KLF12: variants seen among roughly 807,000 people sequenced by gnomAD.
KLF12 encodes Krueppel-like factor 12.
KLF12 carries 9 observed loss-of-function variants against 37.8 expected under a neutral mutation model. The observed-to-expected ratio is 0.24, with a 90% confidence interval of 0.14 to 0.42. The LOEUF (loss-of-function observed/expected upper bound fraction) is 0.42. KLF12 is among the 10% of genes least tolerant of loss of function. The pLI, the probability that KLF12 is intolerant of heterozygous loss-of-function variation, is 1.00. For missense variants in KLF12, 411 were observed against 516.0 expected (o/e 0.80, Z 1.97); for synonymous variants, 208 against 202.1 (o/e 1.03, Z -0.25).
chr13:74,225,330 T>C, the KLF12 span, among the ~76,000 whole-genome samples: 1 of 152,174 alleles, frequency 6.6e-6, no homozygotes, highest in African/African-American at 2.4e-5. Flanking sequence ...AGCAGAGTTT[T>C]GATTTCACAC....
rs1033741683 is a variant in KLF12 at position 73,866,835 on chromosome 13, A to G, written c.124-20462T>C. Among the ~76,000 whole-genome samples the G allele has an allele frequency of 9.3e-5, 14 of 150,710 alleles. 1 individual carries two copies. The highest frequency in any genetic ancestry group is 3.3e-4 in the Admixed American group (5 of 15,082). ...GAAGACATCTTGCTAGGCTAATAATATACTGTCTTAACAATAATTATATTT... is the reference window on the plus strand; with the variant it reads ...GAAGACATCTTGCTAGGCTAATAATGTACTGTCTTAACAATAATTATATTT... On this transcript the variant is annotated intron_variant, in intron 3 of 7. Transcript: ENST00000377669.
At chr13:73,933,828 T>A (rs1889796119) in intron 3 of KLF12, among the ~76,000 whole-genome samples, 1 of 152,076 alleles carries the variant, frequency 6.6e-6, no homozygotes, top group South Asian at 2.1e-4. Context: ...AATGTTTTTT[T>A]TTAAATTCTT....
intron 3 of KLF12, among the ~76,000 whole-genome samples, chr13:73,869,151 A>C (rs1395490648): frequency 6.6e-6 from 1 of 152,166 alleles, no homozygotes; most frequent in African/African-American, 2.4e-5. Flanking sequence ...CAGAAACAAA[A>C]AAGTCCTTAA....
the KLF12 span, among the ~76,000 whole-genome samples, chr13:74,253,566 G>C: frequency 6.6e-6 from 1 of 152,146 alleles, no homozygotes; most frequent in Non-Finnish European, 1.5e-5. Context: ...AAGTAGCTAT[G>C]TATCAATTTA....
At chr13:73,892,151 G>A (rs1478711591) in intron 3 of KLF12, among the ~76,000 whole-genome samples, 1 of 151,916 alleles carries the variant, frequency 6.6e-6, no homozygotes, top group Non-Finnish European at 1.5e-5. Flanking sequence ...TTTTAAGAAG[G>A]CCTTTTTAAA....
intron 2 of KLF12, among the ~76,000 whole-genome samples, chr13:73,959,347 A>C (rs150990042): frequency 6.6e-6 from 1 of 151,934 alleles, no homozygotes; most frequent in Non-Finnish European, 1.5e-5. Flanking sequence ...CTTTCATCCC[A>C]CCACCAAAGA....
chr13:73,956,289 A>G (rs1890827525), intron 2 of KLF12, among the ~76,000 whole-genome samples: 1 of 152,214 alleles, frequency 6.6e-6, no homozygotes, highest in African/African-American at 2.4e-5. Context: ...TTGCTATTTG[A>G]TGCTGAATAT....
the KLF12 span, among the ~76,000 whole-genome samples, chr13:74,260,628 T>TG: frequency 0.31 from 42,910 of 139,000 alleles, 9,618 homozygotes; most frequent in African/African-American, 0.6. Context: ...TAAAATAAAA[T>TG]AGTGAATTAA....
chr13:74,205,510 A>G, the KLF12 span, among the ~76,000 whole-genome samples: 1 of 152,154 alleles, frequency 6.6e-6, no homozygotes, highest in Admixed American at 6.5e-5. Context: ...TTGAGTAAAG[A>G]AAAATATTAT....
chr13:74,110,909 T>C (rs199758259), intron 1 of KLF12, among the ~76,000 whole-genome samples: 3 of 152,236 alleles, frequency 2.0e-5, no homozygotes, highest in East Asian at 1.9e-4. Context: ...ATAAGTTACA[T>C]TGGAAGGCTG....
Position 73,856,887 on chromosome 13 carries a change from T to A in KLF12, c.124-10514A>T, listed in dbSNP as rs148103563. Among the ~76,000 whole-genome samples, 177 of 152,026 alleles carry A rather than the reference T, an allele frequency of 1.2e-3. 1 individual carries two copies. The highest frequency in any genetic ancestry group is 4.1e-3 in the African/African-American group (168 of 41,478). ...CTGTAGTCCCAGCTACTCCAGAGGCTAAGGCATGAGAATCACTTGAACCCA... is the reference window on the plus strand; with the variant it reads ...CTGTAGTCCCAGCTACTCCAGAGGCAAAGGCATGAGAATCACTTGAACCCA... On this transcript the variant is annotated intron_variant, in intron 3 of 7. Coordinates refer to ENST00000377669, the MANE Select transcript of KLF12 (RefSeq NM_007249.5).
At chr13:74,043,025 GC>G (rs141925048) in intron 1 of KLF12, among the ~76,000 whole-genome samples, 15,097 of 152,078 alleles carry the variant, frequency 0.099, 829 homozygotes, top group African/African-American at 0.12. Flanking sequence ...AAAAGAAAGG[GC>G]AAAAAGATTC....
intron 1 of KLF12, among the ~76,000 whole-genome samples, chr13:74,004,408 G>C (rs115976186): frequency 6.6e-6 from 1 of 152,104 alleles, no homozygotes; most frequent in African/African-American, 2.4e-5. Context: ...TTACAGATGT[G>C]GAAACACAGA....
At chr13:73,715,641 A>C (rs1875746161) in intron 6 of KLF12, 116 bp from the exon 7 acceptor site, 2 of 998,608 alleles carry the variant, frequency 2.0e-6, no homozygotes, top group East Asian at 5.0e-5. Context: ...GGCCACCATG[A>C]CCACAGTTCT....
At chr13:74,112,188 A>ATGTG (rs571992392) in intron 1 of KLF12, among the ~76,000 whole-genome samples, 1 of 134,504 alleles carries the variant, frequency 7.4e-6, no homozygotes, top group Non-Finnish European at 1.7e-5. Flanking sequence ...ATAAACGTTT[A>ATGTG]TGTGTGTGTG....
At chr13:74,143,266 G>T in the KLF12 span, among the ~76,000 whole-genome samples, 1 of 135,008 alleles carries the variant, frequency 7.4e-6, no homozygotes. Flanking sequence ...GAAGCATGAA[G>T]ACTTTGGTTT....
intron 6 of KLF12, among the ~76,000 whole-genome samples, chr13:73,753,090 C>A (rs1429042282): frequency 6.6e-6 from 1 of 151,880 alleles, no homozygotes; most frequent in African/African-American, 2.4e-5. Context: ...CAACAAGCTG[C>A]CAGACTAAGC....
the KLF12 span, among the ~76,000 whole-genome samples, chr13:74,304,173 C>A: frequency 6.6e-6 from 1 of 152,154 alleles, no homozygotes; most frequent in East Asian, 1.9e-4. Context: ...AGGCTTTCAG[C>A]CTTGACCAAG....
chr13:73,865,863 T>C (rs9600179), intron 3 of KLF12, among the ~76,000 whole-genome samples: 66,681 of 152,110 alleles, frequency 0.44, 16,389 homozygotes, highest in Non-Finnish European at 0.56. Flanking sequence ...CTGACACTTG[T>C]GTTTGACAGC....
Sources: allele counts gnomAD v4.1 joint callset (sites outside exome capture counted in the v4.1 genomes callset), GRCh38; gene constraint gnomAD v4.1.1; transcripts MANE v1.5; gene names NCBI Gene and HGNC (gene_info 2026-07-23, HGNC 2026-07-21).